CCDC93: variants seen among roughly 807,000 people sequenced by gnomAD.
CCDC93 encodes CCC complex scaffolding subunit CCDC93, also known as coiled-coil domain-containing protein 93.
In CCDC93, 61 loss-of-function variants were observed where a neutral mutation model predicts 108.2. The ratio of observed to expected loss-of-function variants is 0.56; its 90% CI spans 0.46 to 0.70. The LOEUF is 0.70. CCDC93 is among the 30% of genes least tolerant of loss of function. The pLI, the probability that CCDC93 is intolerant of heterozygous loss-of-function variation, is 0.00. For synonymous variants in CCDC93, 276 were observed against 260.4 expected (o/e 1.06, Z -0.58); for missense variants, 685 against 764.2 (o/e 0.90, Z 1.22).
At chr2:118,002,840 C>A (rs994622861) in intron 3 of CCDC93, among the ~76,000 whole-genome samples, 3 of 152,274 alleles carry the variant, frequency 2.0e-5, no homozygotes, top group African/African-American at 7.2e-5. Flanking sequence ...AGTTTGAGAC[C>A]AGCCTGGGCA....
At chr2:117,975,430 A>AC (rs1335528868) in intron 8 of CCDC93, 150 bp from the exon 9 acceptor site, 2 of 621,984 alleles carry the variant, frequency 3.2e-6, no homozygotes, top group African/African-American at 3.7e-5. Flanking sequence ...AAACGGCTGA[A>AC]CCTCCACTAG....
intron 23 of CCDC93, among the ~76,000 whole-genome samples, chr2:117,923,838 T>G (rs1434187353): frequency 6.6e-6 from 1 of 152,190 alleles, no homozygotes; most frequent in African/African-American, 2.4e-5. Context: ...CTTCCTCATG[T>G]GGTCCCTGAC....
intron 22 of CCDC93, chr2:117,934,683 A>G (rs977314575): frequency 1.3e-5 from 2 of 152,250 alleles, no homozygotes; most frequent in African/African-American, 2.4e-5. Flanking sequence ...GACAGGACCT[A>G]TGGACAATTC....
intron 6 of CCDC93, among the ~76,000 whole-genome samples, chr2:117,988,175 G>GCA (rs1680375259): frequency 6.6e-6 from 1 of 151,464 alleles, no homozygotes; most frequent in Non-Finnish European, 1.5e-5. Context: ...ATGCTAAAAG[G>GCA]CACACACACA....
intron 11 of CCDC93, among the ~76,000 whole-genome samples, chr2:117,963,271 A>G (rs1380263540): frequency 6.6e-6 from 1 of 152,214 alleles, no homozygotes; most frequent in Admixed American, 6.5e-5. Flanking sequence ...CACACCATAT[A>G]CATACAAGCA....
chr2:117,949,438 C>T, intron 13 of CCDC93, 43 bp from the exon 14 acceptor site: 2 of 1,359,230 alleles, frequency 1.5e-6, no homozygotes, highest in Non-Finnish European at 1.0e-6. Flanking sequence ...GCCTTGGTAG[C>T]AGAGGTGAAC....
chr2:117,987,485 T>C (rs939907718), intron 6 of CCDC93, among the ~76,000 whole-genome samples: 1 of 152,206 alleles, frequency 6.6e-6, no homozygotes, highest in Non-Finnish European at 1.5e-5. Context: ...AGGCCAACTA[T>C]AAAGAGCTAT....
chr2:117,952,539 G>A (rs1679090913), intron 12 of CCDC93, 104 bp from the exon 13 acceptor site: 2 of 842,542 alleles, frequency 2.4e-6, no homozygotes, highest in Non-Finnish European at 3.9e-6. Flanking sequence ...GATTTAAACT[G>A]AGCAAATGTG....
chr2:117,990,526 G>A (rs1241906642), intron 6 of CCDC93, among the ~76,000 whole-genome samples: 1 of 151,932 alleles, frequency 6.6e-6, no homozygotes, highest in African/African-American at 2.4e-5. Context: ...AAAAGCCTTA[G>A]GTATAATCTT....
At chr2:117,969,746 C>T (rs1213905654) in intron 11 of CCDC93, among the ~76,000 whole-genome samples, 2 of 152,170 alleles carry the variant, frequency 1.3e-5, no homozygotes, top group African/African-American at 4.8e-5. Flanking sequence ...GTCCGAATCA[C>T]AAAAATGACC....
At chr2:117,984,701 C>G (rs1022757959) in intron 7 of CCDC93, among the ~76,000 whole-genome samples, 2 of 152,126 alleles carry the variant, frequency 1.3e-5, no homozygotes, top group African/African-American at 2.4e-5. Flanking sequence ...TACATTCTGC[C>G]AAGAACTTCT....
intron 22 of CCDC93, among the ~76,000 whole-genome samples, chr2:117,934,332 G>A (rs1423353809): frequency 1.3e-5 from 2 of 152,144 alleles, no homozygotes; most frequent in African/African-American, 4.8e-5. Context: ...CAGGTTCTCT[G>A]CCCTCCACCT....
chr2:117,951,621 G>A (rs1399252329), intron 13 of CCDC93: 1 of 1,000,116 alleles, frequency 1.0e-6, no homozygotes, highest in Non-Finnish European at 1.2e-6. Context: ...CTTGCAGCGA[G>A]GTCCTTCCAT....
chr2:117,979,910 TAG>T (rs1251143712), intron 7 of CCDC93, among the ~76,000 whole-genome samples: 12 of 152,210 alleles, frequency 7.9e-5, no homozygotes, highest in African/African-American at 2.9e-4. Context: ...ATGCATTTGC[TAG>T]AGTTTTCAAT....
chr2:117,967,031 C>T (rs1045794276), intron 11 of CCDC93, among the ~76,000 whole-genome samples: 11 of 152,136 alleles, frequency 7.2e-5, no homozygotes, highest in Admixed American at 3.9e-4. Flanking sequence ...CTCTCTCTGT[C>T]GCCCAGGCTG....
At chr2:117,963,513 C>T (rs1195980211) in intron 11 of CCDC93, among the ~76,000 whole-genome samples, 1 of 152,110 alleles carries the variant, frequency 6.6e-6, no homozygotes, top group Non-Finnish European at 1.5e-5. Context: ...ATTCTGCTTC[C>T]AAAAATGAAA....
At chr2:118,000,536 G>A (rs1341037348) in intron 4 of CCDC93, among the ~76,000 whole-genome samples, 4 of 152,182 alleles carry the variant, frequency 2.6e-5, no homozygotes, top group Admixed American at 2.0e-4. Flanking sequence ...AAAGGGAACA[G>A]AGCATACCAG....
rs536852483 is a variant in CCDC93, at chr2:117,986,091, G to A, written c.520-22C>T. 1.5e-5 allele frequency: 21 copies of A among 1,429,102 alleles called. No individual in the cohort carries two copies. The African/African-American group carries it at 2.0e-4, about 14-fold the overall frequency. 88.5% of individuals were successfully genotyped at this position (1,429,102 alleles called of 1,614,324 possible). ...CTTCCTAAGTGGATGAGACAGCCAA[G>A]TTACTGAGTGTGAGAAGGCTCTCCT... is the stretch of plus-strand genomic sequence containing the variant. On this transcript the variant is annotated intron_variant, in intron 6 of 23. Transcript: ENST00000376300.
chr2:117,935,405 C>A, intron 22 of CCDC93, 90 bp downstream of exon 22: 1 of 906,038 alleles, frequency 1.1e-6, no homozygotes, highest in South Asian at 1.4e-5. Flanking sequence ...GGCACACTCC[C>A]CAACTACCAG....
Sources: gnomAD v4.1 joint callset for allele counts (sites outside exome capture counted in the v4.1 genomes callset) on GRCh38, gnomAD v4.1.1 for gene constraint, MANE v1.5 for transcripts, NCBI Gene and HGNC (gene_info 2026-07-23, HGNC 2026-07-21) for gene names.